The following RBBP5 variants were observed in gnomAD, a reference collection of about 807,000 sequenced individuals.
The protein encoded by RBBP5 is RB binding protein 5, histone lysine methyltransferase complex subunit, also known as retinoblastoma-binding protein 5.
A neutral mutation model predicts 72.2 loss-of-function variants in RBBP5; 5 were observed. The observed-to-expected ratio is 0.07, with a 90% CI of 0.04 to 0.15. The LOEUF (loss-of-function observed/expected upper bound fraction) is 0.15. Ranked by LOEUF, RBBP5 falls within the 10% of genes least tolerant of loss-of-function variation. The pLI is 1.00. For missense variants in RBBP5, 322 were observed against 652.2 expected, an observed-to-expected ratio of 0.49 and a Z score of 5.51; for synonymous variants, 209 against 237.2, an observed-to-expected ratio of 0.88 and a Z score of 1.09.
chr1:205,115,773 C>G (rs1172696845), intron 2 of RBBP5, 85 bp downstream of exon 2: 1 of 1,411,608 alleles, frequency 7.1e-7, no homozygotes, highest in African/African-American at 1.5e-5. Flanking sequence ...TGTCAAAACA[C>G]AAGGATCAAA....
chr1:205,103,687 C>A (rs764855597), intron 5 of RBBP5, among the ~76,000 whole-genome samples, 170 bp downstream of exon 5: 1 of 152,032 alleles, frequency 6.6e-6, no homozygotes, highest in African/African-American at 2.4e-5. Context: ...CACTCTAAAT[C>A]CAAAGAACAA....
intron 1 of RBBP5, among the ~76,000 whole-genome samples, chr1:205,120,865 C>T (rs576150556): frequency 1.3e-5 from 2 of 152,078 alleles, no homozygotes; most frequent in South Asian, 4.1e-4. Context: ...TCTTCCTTTA[C>T]CCCAAAGACA....
intron 3 of RBBP5, among the ~76,000 whole-genome samples, chr1:205,111,312 G>A (rs992319829): frequency 6.6e-6 from 1 of 152,124 alleles, no homozygotes; most frequent in Non-Finnish European, 1.5e-5. Context: ...TGTATATCAG[G>A]TACAACGCTA....
At chr1:205,117,707 G>C (rs1656581223) in intron 1 of RBBP5, among the ~76,000 whole-genome samples, 1 of 152,014 alleles carries the variant, frequency 6.6e-6, no homozygotes, top group African/African-American at 2.4e-5. Flanking sequence ...AAATGTATGT[G>C]TAAGTGTGTT....
Position 205,102,363 on chromosome 1 carries a change from T to C in RBBP5, c.523-654A>G, listed in dbSNP as rs1270291030. 2.6e-5 allele frequency among the ~76,000 whole-genome samples: 4 copies of C among 152,234 alleles called. No individual in the cohort carries two copies. The East Asian group carries it at 5.8e-4, about 22-fold the overall frequency. The stretch of plus-strand genomic sequence containing the variant: ...AAGATTCTGACACATGCTACACACA[T>C]GGGTGAAGCTTGAGGACATGAAACT... On this transcript the variant is annotated intron_variant, in intron 5 of 13. Transcript: ENST00000264515.
chr1:205,121,743 G>A, intron 1 of RBBP5, 112 bp downstream of exon 1: 1 of 1,530,636 alleles, frequency 6.5e-7, no homozygotes, highest in Non-Finnish European at 9.0e-7. Flanking sequence ...TGTGCCCAGT[G>A]ATCCATAGCC....
chr1:205,108,909 T>C (rs1656189973), intron 3 of RBBP5, among the ~76,000 whole-genome samples: 1 of 152,202 alleles, frequency 6.6e-6, no homozygotes, highest in Non-Finnish European at 1.5e-5. Context: ...GCTTGGCACA[T>C]AATAAGTACT....
intron 1 of RBBP5, among the ~76,000 whole-genome samples, chr1:205,119,896 T>C (rs761737662): frequency 2.0e-5 from 3 of 152,212 alleles, no homozygotes; most frequent in Admixed American, 2.0e-4. Context: ...ACTTTTTCTC[T>C]AGATCATGTC....
intron 12 of RBBP5, among the ~76,000 whole-genome samples, chr1:205,096,237 G>A (rs1655613286): frequency 6.6e-6 from 1 of 151,850 alleles, no homozygotes; most frequent in Admixed American, 6.6e-5. Context: ...AAAGAGAAGA[G>A]GAAGAAGGAT....
In RBBP5 at chr1:205,114,441, C is replaced by G. The variant is rs144179032; in HGVS notation, c.218+348G>C. On this transcript the variant is annotated intron_variant, in intron 3 of 13. Transcript: ENST00000264515. ...AAAATTACTGGAATTCAGTAAACTGCACAAAACTGGACTCGATGACTTCCA... is the reference window on the plus strand; with the variant it reads ...AAAATTACTGGAATTCAGTAAACTGGACAAAACTGGACTCGATGACTTCCA... Among the ~76,000 whole-genome samples, 165 of 152,300 alleles carry G rather than the reference C, an allele frequency of 1.1e-3. 1 individual carries two copies. The highest frequency in any genetic ancestry group is 3.7e-3 in the African/African-American group (155 of 41,568).
chr1:205,109,091 A>G (rs1169397707), intron 3 of RBBP5, among the ~76,000 whole-genome samples: 1 of 152,220 alleles, frequency 6.6e-6, no homozygotes, highest in Non-Finnish European at 1.5e-5. Context: ...AAGCCTGCAC[A>G]CAAAAGGACT....
chr1:205,104,563 C>T (rs917425013), intron 4 of RBBP5, among the ~76,000 whole-genome samples: 1 of 151,684 alleles, frequency 6.6e-6, no homozygotes, highest in African/African-American at 2.4e-5. Context: ...GCATTCAGGG[C>T]CAGGCGCAGT....
intron 13 of RBBP5, among the ~76,000 whole-genome samples, chr1:205,094,506 C>A (rs1655536232): frequency 6.6e-6 from 1 of 152,152 alleles, no homozygotes; most frequent in Admixed American, 6.5e-5. Context: ...AACCTAAGAG[C>A]AAATATGGAT....
intron 13 of RBBP5, among the ~76,000 whole-genome samples, chr1:205,092,369 G>A (rs1179612703): frequency 6.6e-6 from 1 of 151,802 alleles, no homozygotes; most frequent in Admixed American, 6.6e-5. Flanking sequence ...GGCTTGTCTC[G>A]AATTCCTGGG....
chr1:205,121,715 C>T, intron 1 of RBBP5, 140 bp downstream of exon 1: 1 of 1,386,622 alleles, frequency 7.2e-7, no homozygotes, highest in Non-Finnish European at 1.0e-6. Context: ...CCTCCTCCCG[C>T]TGCTGCTCCA....
At chr1:205,116,618 G>A (rs933601154) in intron 1 of RBBP5, among the ~76,000 whole-genome samples, 26 of 152,080 alleles carry the variant, frequency 1.7e-4, no homozygotes, top group African/African-American at 6.3e-4. Flanking sequence ...GTTCAAGACC[G>A]GCCTAGCCAA....
Position 205,100,275 on chromosome 1 carries a change from CG to C in RBBP5, c.633-5del. The C allele has an allele frequency of 6.2e-7, 1 of 1,613,182 alleles. No individual in the cohort carries two copies. ...TGCCGTGTTAATTAAAAAGCAACTA[CG>C]GGAAGGATAAAAATATCAACACCAG... On this transcript the variant is annotated splice_polypyrimidine_tract_variant and splice_region_variant and intron_variant, in intron 6 of 13. Coordinates refer to ENST00000264515, the MANE Select transcript of RBBP5 (RefSeq NM_005057.4).
At chr1:205,112,478 A>G (rs1656356038) in intron 3 of RBBP5, among the ~76,000 whole-genome samples, 1 of 152,154 alleles carries the variant, frequency 6.6e-6, no homozygotes, top group South Asian at 2.1e-4. Context: ...GCTTTAGTAT[A>G]TGTACCTGTA....
At chr1:205,117,531 A>G (rs929346303) in intron 1 of RBBP5, among the ~76,000 whole-genome samples, 2 of 151,172 alleles carry the variant, frequency 1.3e-5, no homozygotes, top group Admixed American at 6.6e-5. Flanking sequence ...GTGGTGGCGC[A>G]TGCCTGTAAT....
Sources: allele counts gnomAD v4.1 joint callset (sites outside exome capture counted in the v4.1 genomes callset), GRCh38; gene constraint gnomAD v4.1.1; transcripts MANE v1.5; gene names NCBI Gene and HGNC (gene_info 2026-07-23, HGNC 2026-07-21).